Variants in AFF3 observed in about 807,000 individuals in gnomAD.
AFF3 encodes the protein ALF transcription elongation factor 3.
AFF3 carries 32 observed loss-of-function variants against 129.7 expected under a neutral mutation model. The observed-to-expected ratio is 0.25, with a 90% CI of 0.19 to 0.33. The LOEUF is 0.33. Ranked by LOEUF, AFF3 falls within the 10% of genes least tolerant of loss-of-function variation. The pLI is 1.00. For synonymous variants in AFF3, 644 were observed against 635.4 expected, an observed-to-expected ratio of 1.01 and a Z score of -0.20; for missense variants, 1,373 against 1,592.0, an observed-to-expected ratio of 0.86 and a Z score of 2.34.
chr2:99,973,027 T>G (rs1191464283), intron 7 of AFF3, among the ~76,000 whole-genome samples: 1 of 152,194 alleles, frequency 6.6e-6, no homozygotes, highest in African/African-American at 2.4e-5. Context: ...GGCATAATAG[T>G]AGGCTTTTTG....
Position 100,037,467 on chromosome 2 carries a change from T to C in AFF3, c.54-28535A>G, listed in dbSNP as rs867657865. 3.0e-3 allele frequency among the ~76,000 whole-genome samples: 334 copies of C among 111,844 alleles called. 5 individuals carry two copies. The highest frequency in any genetic ancestry group is 0.011 in the African/African-American group (322 of 28,640). 73.4% of individuals were successfully genotyped at this position (111,844 alleles called of 152,430 possible). ...TTTATATATTATTTATATATAAATA[T>C]ATATTTATATTTTATATATTATTTA... On this transcript the variant is annotated intron_variant, in intron 4 of 24. Coordinates refer to ENST00000672756, the MANE Select transcript of AFF3 (RefSeq NM_001386135.1).
At chr2:99,727,857 C>T (rs1307003628) in intron 10 of AFF3, among the ~76,000 whole-genome samples, 9 of 152,154 alleles carry the variant, frequency 5.9e-5, no homozygotes, top group Admixed American at 3.9e-4. Context: ...CCACCACGTC[C>T]GGCCAGGAGG....
At chr2:99,856,109 C>A (rs1032300975) in intron 7 of AFF3, among the ~76,000 whole-genome samples, 3 of 152,060 alleles carry the variant, frequency 2.0e-5, no homozygotes, top group African/African-American at 7.2e-5. Context: ...GAAGATATGA[C>A]AACGAAATGT....
chr2:99,972,595 T>C (rs1678493101), intron 7 of AFF3, among the ~76,000 whole-genome samples: 2 of 152,242 alleles, frequency 1.3e-5, no homozygotes, highest in Non-Finnish European at 2.9e-5. Context: ...TATGGTATGC[T>C]AGGCATTTTT....
intron 4 of AFF3, among the ~76,000 whole-genome samples, chr2:100,087,980 C>T (rs1466922459): frequency 1.3e-5 from 2 of 151,008 alleles, no homozygotes; most frequent in African/African-American, 2.4e-5. Flanking sequence ...TCCTTTTGTG[C>T]TTAAAAACAC....
chr2:99,693,986 C>T (rs998598066), intron 11 of AFF3, among the ~76,000 whole-genome samples: 4 of 151,690 alleles, frequency 2.6e-5, no homozygotes, highest in Non-Finnish European at 2.9e-5. Context: ...GGCACCATCT[C>T]GGCTCACTGC....
chr2:99,813,638 C>T (rs1038233601), intron 8 of AFF3, among the ~76,000 whole-genome samples: 6 of 152,200 alleles, frequency 3.9e-5, no homozygotes, highest in African/African-American at 1.4e-4. Context: ...ATCAAGGAAG[C>T]TGAGACTGTG....
At chr2:99,697,925 G>A (rs116093928) in intron 11 of AFF3, among the ~76,000 whole-genome samples, 4,306 of 152,320 alleles carry the variant, frequency 0.028, 182 homozygotes, top group African/African-American at 0.096. Context: ...GAATTTGCAT[G>A]CTGCCAATAT....
chr2:99,845,838 ATTTC>A (rs1480201210), intron 7 of AFF3, among the ~76,000 whole-genome samples: 1 of 152,024 alleles, frequency 6.6e-6, no homozygotes, highest in African/African-American at 2.4e-5. Flanking sequence ...TAATTAATTA[ATTTC>A]TTTATTTTGA....
intron 7 of AFF3, among the ~76,000 whole-genome samples, chr2:100,000,608 A>G (rs565500393): frequency 6.6e-6 from 1 of 152,312 alleles, no homozygotes; most frequent in Non-Finnish European, 1.5e-5. Flanking sequence ...AGGTGTTTAA[A>G]TAACAGAAAT....
At chr2:100,062,569 G>A (rs1687378140) in intron 4 of AFF3, among the ~76,000 whole-genome samples, 1 of 152,166 alleles carries the variant, frequency 6.6e-6, no homozygotes, top group African/African-American at 2.4e-5. Flanking sequence ...CTGTGGCTGG[G>A]TGGGGGAACT....
intron 1 of AFF3, among the ~76,000 whole-genome samples, chr2:100,134,305 T>C (rs910501949): frequency 3.3e-5 from 5 of 152,230 alleles, no homozygotes; most frequent in Non-Finnish European, 7.3e-5. Context: ...TCAATATTAT[T>C]GTATTTCAAT....
rs774663227 is a variant in AFF3, at chr2:99,593,875, CTGAGGT to C, written c.1780_1785del (p.Thr594_Ser595del). 3 of 1,550,618 alleles carry C rather than the reference CTGAGGT, an allele frequency of 1.9e-6. No individual in the cohort carries two copies. The highest frequency in any genetic ancestry group is 2.6e-6 in the Non-Finnish European group (3 of 1,154,960). On this transcript the variant is annotated inframe_deletion, in exon 15 of 25. Transcript: ENST00000672756. ...CGGTGGCAGTTGGCGCCGTCCCCGG[CTGAGGT>C]CCTCTCGGTGCGCCTGGTGGGCTTC... is the stretch of plus-strand genomic sequence containing the variant.
intron 7 of AFF3, among the ~76,000 whole-genome samples, chr2:99,974,910 G>C (rs558919566): frequency 9.5e-4 from 144 of 152,314 alleles, no homozygotes; most frequent in African/African-American, 3.3e-3. Flanking sequence ...AGGTATGGCA[G>C]TGCAGCTCCG....
chr2:100,047,676 A>C (rs552876049), intron 4 of AFF3, among the ~76,000 whole-genome samples: 1 of 152,378 alleles, frequency 6.6e-6, no homozygotes, highest in East Asian at 1.9e-4. Flanking sequence ...TGTTTAGGCA[A>C]TGCAGTAATG....
intron 13 of AFF3, among the ~76,000 whole-genome samples, chr2:99,642,175 T>C (rs1279563711): frequency 1.3e-5 from 2 of 152,216 alleles, no homozygotes; most frequent in Admixed American, 1.3e-4. Context: ...AGAGGCTATC[T>C]GGCCCAATCC....
chr2:100,096,034 G>A (rs1341856238), intron 4 of AFF3, among the ~76,000 whole-genome samples: 2 of 151,974 alleles, frequency 1.3e-5, no homozygotes, highest in African/African-American at 4.8e-5. Flanking sequence ...CTATGGCCAC[G>A]GGGTAGTGCA....
chr2:99,827,107 G>C (rs1053683707), intron 8 of AFF3, among the ~76,000 whole-genome samples: 1 of 152,180 alleles, frequency 6.6e-6, no homozygotes, highest in African/African-American at 2.4e-5. Context: ...TAAGGTGCAG[G>C]TGTCCATGAC....
intron 4 of AFF3, among the ~76,000 whole-genome samples, chr2:100,045,137 T>A (rs1469984909): frequency 6.6e-6 from 1 of 151,678 alleles, no homozygotes; most frequent in African/African-American, 2.4e-5. Flanking sequence ...GGAGGGGGAC[T>A]GGCCATGGCA....
Sources: allele counts gnomAD v4.1 joint callset (sites outside exome capture counted in the v4.1 genomes callset), GRCh38; gene constraint gnomAD v4.1.1; transcripts MANE v1.5; gene names NCBI Gene and HGNC (gene_info 2026-07-23, HGNC 2026-07-21).